EDN3: variants seen among roughly 807,000 people sequenced by gnomAD.
The protein encoded by EDN3 is endothelin-3.
A neutral mutation model predicts 21.4 loss-of-function variants in EDN3; 9 were observed. The ratio of observed to expected loss-of-function variants is 0.42; its 90% CI spans 0.25 to 0.73. The LOEUF is 0.73. Ranked by LOEUF, EDN3 falls within the 30% of genes least tolerant of loss-of-function variation. EDN3 has a pLI of 0.26. For missense variants in EDN3, 327 were observed against 309.4 expected (o/e 1.06, Z -0.43); for synonymous variants, 133 against 126.2 (o/e 1.05, Z -0.36).
intron 4 of EDN3, 140 bp from the exon 5 acceptor site, chr20:59,324,191 G>C (rs950575585): frequency 9.5e-7 from 1 of 1,054,080 alleles, no homozygotes; most frequent in Non-Finnish European, 1.4e-6. Context: ...CTGGGAAGAG[G>C]GTACATACAG....
In EDN3 at chr20:59,305,709, G is replaced by A. The variant is rs1206826978; in HGVS notation, c.365+3987G>A. ...GCATGCCACCAGGCTGAAAATTCCC[G>A]AGGGAGTTGATGTCAAGGAGGTCTG... On this transcript the variant is annotated intron_variant, in intron 2 of 4. Coordinates refer to ENST00000337938, the MANE Select transcript of EDN3 (RefSeq NM_207034.3). This position sits in a 1 kb window ranked among gnomAD's most constrained non-coding sequence, Gnocchi z 4.2. Among the ~76,000 whole-genome samples the A allele has an allele frequency of 6.6e-6, 1 of 152,316 alleles. No homozygotes were observed. Among genetic ancestry groups the A allele is most frequent in the African/African-American group, 2.4e-5 (1 of 41,574 alleles).
At chr20:59,316,654 T>G (rs1019623606) in intron 2 of EDN3, among the ~76,000 whole-genome samples, 3 of 152,236 alleles carry the variant, frequency 2.0e-5, no homozygotes, top group Non-Finnish European at 2.9e-5. Flanking sequence ...GCGTTTTCAG[T>G]GTGGTGTTGC....
intron 2 of EDN3, among the ~76,000 whole-genome samples, chr20:59,318,319 G>C: frequency 6.6e-6 from 1 of 152,336 alleles, no homozygotes; most frequent in South Asian, 2.1e-4. Flanking sequence ...ACCACATGTC[G>C]ATACGGAGTG....
At position 59,321,162 on chromosome 20, in the gene EDN3, C is replaced by T. The variant is rs1403443871; in HGVS notation, c.511C>T (p.His171Tyr). 1.2e-6 allele frequency: 2 copies of T among 1,614,248 alleles called. No homozygotes were observed. The highest frequency in any genetic ancestry group is 1.7e-6 in the Non-Finnish European group (2 of 1,180,038). Residue 171 changes from histidine (H) to tyrosine (Y), a missense_variant, in exon 3 of 5, where the codon CAC (histidine) becomes TAC (tyrosine). Transcript: ENST00000337938. ...CVGRYDKACL[H>Y]FCTQTLDVSS... ...GGGGAGATATGACAAGGCCTGCCTGCACTTTTGCACCCAAACTCTGGACGT... is the reference window on the plus strand; with the variant it reads ...GGGGAGATATGACAAGGCCTGCCTGTACTTTTGCACCCAAACTCTGGACGT...
At chr20:59,316,583 AG>A (rs761245921) in intron 2 of EDN3, among the ~76,000 whole-genome samples, 67 of 152,386 alleles carry the variant, frequency 4.4e-4, no homozygotes, top group Admixed American at 1.2e-3. Flanking sequence ...ACTTAAAAAC[AG>A]AATCTTTAAA....
intron 2 of EDN3, among the ~76,000 whole-genome samples, chr20:59,314,878 C>G (rs920697495): frequency 2.0e-5 from 3 of 152,180 alleles, no homozygotes; most frequent in Non-Finnish European, 4.4e-5. Flanking sequence ...ATGTGTTGTG[C>G]GTAGCAGTGT....
intron 2 of EDN3, among the ~76,000 whole-genome samples, chr20:59,309,697 G>T (rs916891422): frequency 6.6e-6 from 1 of 152,108 alleles, no homozygotes; most frequent in Admixed American, 6.5e-5. Context: ...ATATTTCTTA[G>T]AACACTGGAC....
chr20:59,321,243 C>T (rs375176392), intron 3 of EDN3, 50 bp downstream of exon 3: 124 of 1,598,344 alleles, frequency 7.8e-5, no homozygotes, highest in African/African-American at 6.0e-4. Context: ...CATCAACCCT[C>T]GGCAAGGCCA....
At chr20:59,304,997 C>T (rs1230123450) in intron 2 of EDN3, among the ~76,000 whole-genome samples, 2 of 152,196 alleles carry the variant, frequency 1.3e-5, no homozygotes, top group Non-Finnish European at 2.9e-5. Flanking sequence ...CACAGGAGGC[C>T]TCTTTCTCCA....
rs202126740 is a variant in EDN3, at chr20:59,301,713, A to T, written c.356A>T (p.Asn119Ile). Residue 119 changes from asparagine to isoleucine, a missense_variant, in exon 2 of 5, where the codon AAC (asparagine) becomes ATC (isoleucine). By Grantham distance (149) the Asn-to-Ile change is moderately radical. Coordinates refer to ENST00000337938, the MANE Select transcript of EDN3 (RefSeq NM_207034.3). ...YYCHLDIIWI[N>I]TPEQTVPYGL... is the part of the protein sequence containing the mutation. ...TGCCACCTGGACATCATTTGGATCA[A>T]CACTCCCGAGTAAGTCAGCCTTTTG... 2.5e-6 allele frequency: 4 copies of T among 1,614,130 alleles called. No individual in the cohort carries two copies. The highest frequency in any genetic ancestry group is 3.4e-6 in the Non-Finnish European group (4 of 1,179,982).
rs561206992 is a variant in EDN3 at position 59,301,803 on chromosome 20, C to T, written c.365+81C>T. 3.4e-6 allele frequency: 5 copies of T among 1,486,904 alleles called. No individual in the cohort carries two copies. The South Asian group carries it at 5.7e-5, about 17-fold the overall frequency. 92.1% of individuals were successfully genotyped at this position (1,486,904 alleles called of 1,614,324 possible). ...TCATTCCCAGGAGGACCTCACTCCA[C>T]CCCAGCCCCGCTCAGTTAGCCCAGA... On this transcript the variant is annotated intron_variant, in intron 2 of 4. Coordinates refer to ENST00000337938, the MANE Select transcript of EDN3 (RefSeq NM_207034.3).
chr20:59,325,312 G>A lies in EDN3; in HGVS notation c.*853G>A, dbSNP rs917636261. On this transcript the variant is annotated 3_prime_UTR_variant, in exon 5 of 5. Coordinates refer to ENST00000337938, the MANE Select transcript of EDN3 (RefSeq NM_207034.3). ...GGGGAATGGCTTCAAAATAAGTCAC[G>A]AACACAAATTCTTTGTAAATTATGT... 1.3e-5 allele frequency: 2 copies of A among 152,520 alleles called. No individual in the cohort carries two copies. Among genetic ancestry groups the A allele is most frequent in the African/African-American group, 4.8e-5 (2 of 41,422 alleles). 9.4% of individuals were successfully genotyped at this position (152,520 alleles called of 1,614,324 possible). A position where few individuals can be genotyped will look rare whatever the true frequency, so the allele number is the denominator to read the frequency against.
intron 2 of EDN3, among the ~76,000 whole-genome samples, chr20:59,309,765 A>G (rs891626047): frequency 6.6e-6 from 1 of 152,172 alleles, no homozygotes; most frequent in African/African-American, 2.4e-5. Flanking sequence ...AGTTTGTTGG[A>G]AAGGTCAGTC....
chr20:59,324,217 A>T (rs1448441499), intron 4 of EDN3, 114 bp from the exon 5 acceptor site: 1 of 1,331,092 alleles, frequency 7.5e-7, no homozygotes, highest in Non-Finnish European at 1.1e-6. Flanking sequence ...ATCAGGGAAC[A>T]GGCTGGAGAG....
intron 2 of EDN3, among the ~76,000 whole-genome samples, chr20:59,319,503 A>G (rs527392904): frequency 2.1e-4 from 32 of 152,252 alleles, no homozygotes; most frequent in African/African-American, 7.5e-4. Context: ...CAAGGTCAAG[A>G]GATGGAGACC....
At position 59,324,701 on chromosome 20, in the gene EDN3, G is replaced by T; in HGVS notation, c.*242G>T. ...CCAGAGCATGACGCCTGCAGCTCCG[G>T]TTTCATGCAGGAAATTGGTTTTGGA... On this transcript the variant is annotated 3_prime_UTR_variant, in exon 5 of 5. Coordinates refer to ENST00000337938, the MANE Select transcript of EDN3 (RefSeq NM_207034.3). The T allele has an allele frequency of 1.8e-6, 1 of 565,624 alleles. No homozygotes were observed. The highest frequency in any genetic ancestry group is 3.1e-6 in the Non-Finnish European group (1 of 319,800). The allele number at this position is 565,624 out of a possible 1,614,324, so 35.0% of individuals were successfully genotyped here.
At position 59,325,522 on chromosome 20, in the gene EDN3, C is replaced by A. The variant is rs1330089423; in HGVS notation, c.*1063C>A. 1 of 152,096 alleles carries A rather than the reference C, an allele frequency of 6.6e-6. No individual in the cohort carries two copies. Among genetic ancestry groups the A allele is most frequent in the Admixed American group, 6.5e-5 (1 of 15,272 alleles). The allele number at this position is 152,096 out of a possible 1,614,324, so 9.4% of individuals were successfully genotyped here. ...AACCCAGTCACAGAGAGATAGGAAA[C>A]GGCATTTGAGTGGGTGTCCAGGGCC... On this transcript the variant is annotated 3_prime_UTR_variant, in exon 5 of 5. Coordinates refer to ENST00000337938, the MANE Select transcript of EDN3 (RefSeq NM_207034.3).
At chr20:59,301,275 T>G (rs1988993406) in intron 1 of EDN3, 135 bp from the exon 2 acceptor site, 1 of 1,121,202 alleles carries the variant, frequency 8.9e-7, no homozygotes, top group South Asian at 1.4e-5. Flanking sequence ...TGGAAACTTT[T>G]CAGAAACTGC....
In EDN3 at chr20:59,324,659, A is replaced by C; in HGVS notation, c.*200A>C. On this transcript the variant is annotated 3_prime_UTR_variant, in exon 5 of 5. Transcript: ENST00000337938. ...GACCCCAGTTTTCCTAATGAGTAAA[A>C]TGATCCCAGATGTGCCCCAGAGCAT... 1 of 664,646 alleles carries C rather than the reference A, an allele frequency of 1.5e-6. No individual in the cohort carries two copies. Among genetic ancestry groups the C allele is most frequent in the Non-Finnish European group, 2.6e-6 (1 of 388,132 alleles). 41.2% of individuals were successfully genotyped at this position (664,646 alleles called of 1,614,324 possible).
Sources: gnomAD v4.1 joint callset for allele counts (sites outside exome capture counted in the v4.1 genomes callset) on GRCh38, gnomAD v4.1.1 for gene constraint, Gnocchi (gnomAD v3.1) non-coding constraint, MANE v1.5 for transcripts, NCBI Gene and HGNC (gene_info 2026-07-23, HGNC 2026-07-21) for gene names.